CNTNAP2: variants seen among roughly 807,000 people sequenced by gnomAD.
CNTNAP2 encodes contactin-associated protein-like 2.
In CNTNAP2, 98 loss-of-function variants were observed where a neutral mutation model predicts 155.2. That is an observed-to-expected ratio of 0.63 (90% confidence interval 0.54 to 0.75). The LOEUF is 0.75. Ranked by LOEUF, CNTNAP2 falls within the 30% of genes least tolerant of loss-of-function variation. CNTNAP2 has a pLI of 0.00. For missense variants in CNTNAP2, 1,727 were observed against 1,688.1 expected (o/e 1.02, Z -0.40); for synonymous variants, 651 against 631.2 (o/e 1.03, Z -0.47).
At chr7:147,690,433 A>G (rs1796070848) in intron 13 of CNTNAP2, among the ~76,000 whole-genome samples, 1 of 152,124 alleles carries the variant, frequency 6.6e-6, no homozygotes, top group Non-Finnish European at 1.5e-5. Context: ...GCATTACATC[A>G]ATACATCATT....
At chr7:146,204,385 G>T (rs1798914515) in intron 1 of CNTNAP2, among the ~76,000 whole-genome samples, 1 of 152,188 alleles carries the variant, frequency 6.6e-6, no homozygotes, top group East Asian at 1.9e-4. Context: ...ATTGTAATAG[G>T]TATACCTTTT....
intron 1 of CNTNAP2, among the ~76,000 whole-genome samples, chr7:146,713,676 A>G (rs1257177550): frequency 6.6e-6 from 1 of 152,148 alleles, no homozygotes; most frequent in East Asian, 1.9e-4. Context: ...CAGACAGTAT[A>G]TCCAAACATG....
At chr7:146,279,720 C>A (rs2129084626) in intron 1 of CNTNAP2, among the ~76,000 whole-genome samples, 1 of 151,774 alleles carries the variant, frequency 6.6e-6, no homozygotes, top group East Asian at 1.9e-4. Flanking sequence ...CTGTAGTAGT[C>A]ATCAAAGAAA....
intron 15 of CNTNAP2, among the ~76,000 whole-genome samples, chr7:148,028,802 A>G (rs957244106): frequency 1.3e-5 from 2 of 152,080 alleles, no homozygotes; most frequent in African/African-American, 4.8e-5. Context: ...TCCAAACAGA[A>G]AGCATTTGGA....
At chr7:146,945,253 A>T (rs1434236472) in intron 3 of CNTNAP2, among the ~76,000 whole-genome samples, 3 of 152,214 alleles carry the variant, frequency 2.0e-5, no homozygotes, top group Non-Finnish European at 4.4e-5. Context: ...TTAGCACGGC[A>T]CTGCCATGTT....
At position 146,194,597 on chromosome 7, in the gene CNTNAP2, A is replaced by G. The variant is rs373323509; in HGVS notation, c.97+77624A>G. On this transcript the variant is annotated intron_variant, in intron 1 of 23. Coordinates refer to ENST00000361727, the MANE Select transcript of CNTNAP2 (RefSeq NM_014141.6). ...ATTTGGGTGGGAACACAGCCAAACC[A>G]TATCACCAACTGTATCTAAATTCTA... Among the ~76,000 whole-genome samples the G allele has an allele frequency of 7.2e-4, 110 of 152,334 alleles. 2 individuals carry two copies. In the South Asian group the frequency reaches 0.022, roughly 30 times the overall value.
chr7:148,222,052 G>A (rs778413706), intron 19 of CNTNAP2, among the ~76,000 whole-genome samples: 3 of 152,132 alleles, frequency 2.0e-5, no homozygotes, highest in African/African-American at 4.8e-5. Flanking sequence ...TGTCTGCCAC[G>A]GTGTGAGGGG....
chr7:148,343,494 A>AT (rs1317742896), intron 21 of CNTNAP2, among the ~76,000 whole-genome samples: 1 of 152,124 alleles, frequency 6.6e-6, no homozygotes, highest in African/African-American at 2.4e-5. Context: ...CGATTTGAAT[A>AT]TTTTCTGTAG....
chr7:147,919,459 C>CTTTCTTTCTTTCTTTTTTTTTTTTTTTTT (rs58537091), intron 14 of CNTNAP2, among the ~76,000 whole-genome samples: 1 of 51,240 alleles, frequency 2.0e-5, no homozygotes, highest in Non-Finnish European at 3.3e-5. Flanking sequence ...CTTTTTCTTT[C>CTTTCTTTCTTTCTTTTTTTTTTTTTTTTT]TTTTTTTTTT....
chr7:148,097,340 TAAAAAAAAAAAA>T (rs754030091), intron 15 of CNTNAP2, among the ~76,000 whole-genome samples: 2 of 78,492 alleles, frequency 2.5e-5, no homozygotes, highest in Non-Finnish European at 5.2e-5. Context: ...GTGTCATTTG[TAAAAAAAAAAAA>T]AAAAAAAAAA....
At chr7:147,257,014 G>A (rs1276627287) in intron 8 of CNTNAP2, among the ~76,000 whole-genome samples, 2 of 152,012 alleles carry the variant, frequency 1.3e-5, no homozygotes, top group Non-Finnish European at 2.9e-5. Flanking sequence ...AAAGAAACAC[G>A]TGGACTAAGT....
In CNTNAP2 at chr7:146,821,117, C is replaced by T. The variant is rs374128160; in HGVS notation, c.209-18594C>T. Among the ~76,000 whole-genome samples, 4 of 152,220 alleles carry T rather than the reference C, an allele frequency of 2.6e-5. No homozygotes were observed. The East Asian group carries it at 5.8e-4, about 22-fold the overall frequency. On this transcript the variant is annotated intron_variant, in intron 2 of 23. Transcript: ENST00000361727. ...CACTGATGGGTCTTGACTCTTTATC[C>T]AATTTGCCAGTCTGTGTCTTTTAAT...
intron 2 of CNTNAP2, among the ~76,000 whole-genome samples, chr7:146,777,271 C>T (rs1802406446): frequency 6.6e-6 from 1 of 152,188 alleles, no homozygotes; most frequent in South Asian, 2.1e-4. Flanking sequence ...TACTTTTTGG[C>T]TTCTAAAGAC....
chr7:146,416,099 A>C (rs1317029980), intron 1 of CNTNAP2, among the ~76,000 whole-genome samples: 7 of 151,946 alleles, frequency 4.6e-5, no homozygotes, highest in African/African-American at 7.2e-5. Context: ...ATGAAAATGG[A>C]TAATTTCATA....
intron 1 of CNTNAP2, among the ~76,000 whole-genome samples, chr7:146,475,037 ACACG>A (rs1796857984): frequency 1.3e-5 from 2 of 151,686 alleles, no homozygotes; most frequent in African/African-American, 4.9e-5. Context: ...ACACACACAC[ACACG>A]TACTTACATA....
chr7:146,886,736 C>T (rs1795671358), intron 3 of CNTNAP2, among the ~76,000 whole-genome samples: 1 of 150,152 alleles, frequency 6.7e-6, no homozygotes, highest in South Asian at 2.1e-4. Flanking sequence ...TCCTCAGTAC[C>T]AAAATTGTAC....
chr7:148,357,275 A>C (rs34443954), intron 21 of CNTNAP2, among the ~76,000 whole-genome samples: 48,631 of 152,058 alleles, frequency 0.32, 9,360 homozygotes, highest in East Asian at 0.64. Context: ...ACCATGTAAG[A>C]TGTGATTTTG....
chr7:146,900,257 G>A (rs1169372283), intron 3 of CNTNAP2, among the ~76,000 whole-genome samples: 1 of 152,074 alleles, frequency 6.6e-6, no homozygotes, highest in East Asian at 1.9e-4. Flanking sequence ...TGTCAGTTCT[G>A]TCATCACAAC....
chr7:147,212,173 A>T (rs1803163475), intron 8 of CNTNAP2, among the ~76,000 whole-genome samples: 1 of 152,152 alleles, frequency 6.6e-6, no homozygotes, highest in Non-Finnish European at 1.5e-5. Context: ...CCCATCCACC[A>T]TGGAAAGCAG....
Sources: gnomAD v4.1 joint callset for allele counts (sites outside exome capture counted in the v4.1 genomes callset) on GRCh38, gnomAD v4.1.1 for gene constraint, MANE v1.5 for transcripts, NCBI Gene and HGNC (gene_info 2026-07-23, HGNC 2026-07-21) for gene names.